Variants in CAMK2D observed in about 807,000 individuals in gnomAD.
The protein encoded by CAMK2D is calcium/calmodulin dependent protein kinase II delta.
Under a neutral mutation model 84.0 loss-of-function variants are expected in CAMK2D, and 37 were observed. That is an observed-to-expected ratio of 0.44 (90% CI 0.34 to 0.58). The LOEUF (loss-of-function observed/expected upper bound fraction) is 0.58. Ranked by LOEUF, CAMK2D falls within the 20% of genes least tolerant of loss-of-function variation. CAMK2D has a pLI of 0.02. For missense variants in CAMK2D, 448 were observed against 652.5 expected, an observed-to-expected ratio of 0.69 and a Z score of 3.41; for synonymous variants, 202 against 212.5, an observed-to-expected ratio of 0.95 and a Z score of 0.43.
At chr4:113,481,098 G>A (rs368442259) in intron 16 of CAMK2D, among the ~76,000 whole-genome samples, 1 of 151,968 alleles carries the variant, frequency 6.6e-6, no homozygotes, top group Non-Finnish European at 1.5e-5. Flanking sequence ...ATGCATTTTC[G>A]GTGTTTTTAA....
rs191038293 is a variant in CAMK2D at position 113,606,393 on chromosome 4, C to T, written c.275+2759G>A. ...GCTGATGCAGGAGAATCGCTTGAACCCAGGAGGCGGCGGTTGCAGTGAGCA... is the reference window on the plus strand; with the variant it reads ...GCTGATGCAGGAGAATCGCTTGAACTCAGGAGGCGGCGGTTGCAGTGAGCA... On this transcript the variant is annotated intron_variant, in intron 4 of 20. Transcript: ENST00000511664. 1.8e-4 allele frequency among the ~76,000 whole-genome samples: 27 copies of T among 152,028 alleles called. No individual in the cohort carries two copies. The East Asian group carries it at 2.5e-3, about 14-fold the overall frequency.
intron 4 of CAMK2D, among the ~76,000 whole-genome samples, chr4:113,573,570 A>T (rs927737445): frequency 6.6e-6 from 1 of 152,232 alleles, no homozygotes; most frequent in African/African-American, 2.4e-5. Context: ...CGTGGGTGCA[A>T]CAGTTAATTG....
At chr4:113,584,119 G>A (rs976841475) in intron 4 of CAMK2D, among the ~76,000 whole-genome samples, 4 of 152,168 alleles carry the variant, frequency 2.6e-5, no homozygotes, top group African/African-American at 9.7e-5. Flanking sequence ...TCAGTAAAAG[G>A]TGTTTCTTAT....
At chr4:113,650,742 A>G (rs1460381419) in intron 3 of CAMK2D, among the ~76,000 whole-genome samples, 1 of 152,200 alleles carries the variant, frequency 6.6e-6, no homozygotes, top group African/African-American at 2.4e-5. Flanking sequence ...TCCAACACAA[A>G]TTCATGTGAA....
At chr4:113,755,917 A>G (rs768204105) in intron 2 of CAMK2D, among the ~76,000 whole-genome samples, 1 of 151,996 alleles carries the variant, frequency 6.6e-6, no homozygotes, top group African/African-American at 2.4e-5. Context: ...ATGCCCATCT[A>G]ACAAAAACTT....
At chr4:113,652,866 C>A (rs1029612651) in intron 3 of CAMK2D, among the ~76,000 whole-genome samples, 1 of 152,054 alleles carries the variant, frequency 6.6e-6, no homozygotes, top group Non-Finnish European at 1.5e-5. Context: ...TGAAACTATC[C>A]TTCATTTGTA....
chr4:113,532,827 C>T (rs2098466961), intron 7 of CAMK2D, among the ~76,000 whole-genome samples: 2 of 152,054 alleles, frequency 1.3e-5, no homozygotes, highest in South Asian at 4.2e-4. Flanking sequence ...TCAGTGTCAC[C>T]CTTGATACTA....
chr4:113,642,323 T>G (rs1027077080), intron 3 of CAMK2D, among the ~76,000 whole-genome samples: 7 of 152,114 alleles, frequency 4.6e-5, no homozygotes, highest in African/African-American at 1.2e-4. Context: ...CTCTGCAGAG[T>G]CATTTCTATC....
chr4:113,538,977 T>A (rs1176935329), intron 6 of CAMK2D, among the ~76,000 whole-genome samples: 1 of 152,170 alleles, frequency 6.6e-6, no homozygotes, highest in African/African-American at 2.4e-5. Flanking sequence ...AATACGTAAT[T>A]TAATTTGGAG....
At chr4:113,614,905 A>G (rs2099015235) in intron 3 of CAMK2D, among the ~76,000 whole-genome samples, 1 of 152,180 alleles carries the variant, frequency 6.6e-6, no homozygotes, top group African/African-American at 2.4e-5. Context: ...AAATTCTAAA[A>G]CTGAGCATGG....
chr4:113,613,030 T>G (rs2099006970), intron 3 of CAMK2D, among the ~76,000 whole-genome samples: 1 of 152,316 alleles, frequency 6.6e-6, no homozygotes, highest in Non-Finnish European at 1.5e-5. Context: ...ATGGTCCTTG[T>G]ATGATCTGAG....
intron 4 of CAMK2D, among the ~76,000 whole-genome samples, chr4:113,574,923 G>A (rs2098773241): frequency 3.3e-5 from 5 of 152,164 alleles, no homozygotes; most frequent in Non-Finnish European, 4.4e-5. Flanking sequence ...TATAAGCCCA[G>A]TTTTACCAGG....
intron 4 of CAMK2D, among the ~76,000 whole-genome samples, chr4:113,602,701 T>G (rs746903864): frequency 4.6e-5 from 7 of 152,254 alleles, no homozygotes; most frequent in Non-Finnish European, 8.8e-5. Context: ...TTTAAGATGA[T>G]ATATAAGCTG....
intron 3 of CAMK2D, among the ~76,000 whole-genome samples, chr4:113,615,981 T>C (rs1460995383): frequency 6.6e-6 from 1 of 152,090 alleles, no homozygotes; most frequent in Non-Finnish European, 1.5e-5. Flanking sequence ...TATTTAGCAA[T>C]ATGCCCCATT....
intron 3 of CAMK2D, among the ~76,000 whole-genome samples, chr4:113,651,638 T>G (rs2099173052): frequency 1.3e-5 from 2 of 152,202 alleles, no homozygotes; most frequent in African/African-American, 4.8e-5. Context: ...TATCTGGTCC[T>G]GATTTCTTTT....
intron 8 of CAMK2D, among the ~76,000 whole-genome samples, chr4:113,529,493 T>C (rs978333102): frequency 2.0e-5 from 3 of 152,180 alleles, no homozygotes; most frequent in African/African-American, 4.8e-5. Context: ...CAAACTATGA[T>C]AGTTAGGTAT....
Position 113,548,034 on chromosome 4 carries a change from T to G in CAMK2D, c.342-318A>C, listed in dbSNP as rs189257417. 3.3e-3 allele frequency among the ~76,000 whole-genome samples: 508 copies of G among 152,316 alleles called. 2 individuals carry two copies. Among genetic ancestry groups the G allele is most frequent in the Admixed American group, 0.01 (154 of 15,300 alleles). On this transcript the variant is annotated intron_variant, in intron 5 of 20. Transcript: ENST00000511664. ...AAGTGGAACACAAATATAATCTTTA[T>G]AGCTGTGGTGTTCCGCCTCCACCCC... is the stretch of plus-strand genomic sequence containing the variant.
intron 2 of CAMK2D, among the ~76,000 whole-genome samples, chr4:113,709,968 G>C (rs2154354147): frequency 6.6e-6 from 1 of 150,852 alleles, no homozygotes; most frequent in Non-Finnish European, 1.5e-5. Context: ...TTATTTCCAT[G>C]GTTTGATTCT....
chr4:113,531,886 A>G (rs1015659721), intron 7 of CAMK2D, among the ~76,000 whole-genome samples: 1 of 152,218 alleles, frequency 6.6e-6, no homozygotes, highest in African/African-American at 2.4e-5. Flanking sequence ...GAATTCAATA[A>G]GTTACACTTA....
Sources: allele counts gnomAD v4.1 joint callset (sites outside exome capture counted in the v4.1 genomes callset), GRCh38; gene constraint gnomAD v4.1.1; transcripts MANE v1.5; gene names NCBI Gene and HGNC (gene_info 2026-07-23, HGNC 2026-07-21).